TRARG1: variants seen among roughly 807,000 people sequenced by gnomAD.
TRARG1 encodes trafficking regulator of GLUT4 1.
A neutral mutation model predicts 13.3 loss-of-function variants in TRARG1; 16 were observed. That is an observed-to-expected ratio of 1.20 (90% CI 0.81 to 1.83). The LOEUF (loss-of-function observed/expected upper bound fraction) is 1.83, where lower values mean the gene tolerates loss of function less well. Among genes scored for constraint, TRARG1 ranks in the 40% most tolerant of loss-of-function variants. The probability of loss-of-function intolerance (pLI) is 0.00; values close to 1 mark genes in which losing one functional copy is unlikely to be tolerated. For synonymous variants in TRARG1, 113 were observed against 106.2 expected (o/e 1.06, Z -0.39); for missense variants, 250 against 237.4 (o/e 1.05, Z -0.35).
chr17:1,280,007 C>A lies in TRARG1; in HGVS notation c.6C>A (p.Ala2=). 1 of 1,610,264 alleles carries A rather than the reference C, an allele frequency of 6.2e-7. No individual in the cohort carries two copies. The highest frequency in any genetic ancestry group is 1.3e-5 in the African/African-American group (1 of 74,994). ...CGCGCAAGGCCCAGGCCCCCATGGC[C>A]CACCCGGTGCAGTCCGAGTTTCCTT... The part of the protein sequence containing the change: M[A]HPVQSEFPSA... The change falls in exon 1 of 3, where the codon GCC becomes GCA. Residue 2 remains alanine, a synonymous_variant. Transcript: ENST00000333813.
chr17:1,290,875 T>C (rs1163399519), intron 1 of TRARG1, among the ~76,000 whole-genome samples: 4 of 150,632 alleles, frequency 2.7e-5, no homozygotes, highest in Non-Finnish European at 5.9e-5. Context: ...GCTCTCGCGA[T>C]AATGAGTGAG....
chr17:1,281,110 G>T (rs1237189978), intron 1 of TRARG1, among the ~76,000 whole-genome samples: 2 of 152,232 alleles, frequency 1.3e-5, no homozygotes, highest in Non-Finnish European at 2.9e-5. Context: ...GCATGGGGCC[G>T]GGTCTGTACT....
chr17:1,295,361 TG>T, intron 1 of TRARG1, 129 bp from the exon 2 acceptor site: 1 of 1,198,888 alleles, frequency 8.3e-7, no homozygotes, highest in Non-Finnish European at 1.2e-6. Context: ...CCCTAGAGTG[TG>T]GGCTGCCATG....
intron 1 of TRARG1, 134 bp downstream of exon 1, chr17:1,280,522 C>A: frequency 1.0e-6 from 1 of 1,001,068 alleles, no homozygotes; most frequent in African/African-American, 1.6e-5. Flanking sequence ...GGGAAGACTC[C>A]TTTCCTCACT....
intron 1 of TRARG1, among the ~76,000 whole-genome samples, chr17:1,286,625 T>A (rs796871491): frequency 0.2 from 15,039 of 74,234 alleles, 1,761 homozygotes; most frequent in African/African-American, 0.34. Flanking sequence ...GGGTGTTGTT[T>A]TCGGCCTGTG....
At chr17:1,290,888 C>G (rs930286311) in intron 1 of TRARG1, among the ~76,000 whole-genome samples, 1 of 146,372 alleles carries the variant, frequency 6.8e-6, no homozygotes, top group African/African-American at 2.6e-5. Context: ...TGAGTGAGTT[C>G]TCGCGAGATC....
chr17:1,282,224 G>GCGTATGTGTA (rs2071984056), intron 1 of TRARG1, among the ~76,000 whole-genome samples: 1 of 115,594 alleles, frequency 8.7e-6, no homozygotes. Flanking sequence ...GTATACACGT[G>GCGTATGTGTA]CGTATATGTA....
Position 1,280,069 on chromosome 17 carries a change from T to C in TRARG1, c.68T>C (p.Leu23Pro), listed in dbSNP as rs761869292. 5 of 1,613,510 alleles carry C rather than the reference T, an allele frequency of 3.1e-6. No individual in the cohort carries two copies. In the East Asian group the frequency reaches 1.1e-4, roughly 36 times the overall value. The change falls in exon 1 of 3, where the codon CTG becomes CCG. Residue 23 changes from leucine to proline, a missense_variant. Transcript: ENST00000333813. ...CCAGGCTCCGCCGCATTCCTGGACC[T>C]GCCGGAGATGGAGATACTCCTCACC... is the stretch of plus-strand genomic sequence containing the variant. ...QEPGSAAFLDLPEMEILLTKA... is the reference protein window; with the variant it reads ...QEPGSAAFLDPPEMEILLTKA...
chr17:1,282,046 G>A (rs1238512235), intron 1 of TRARG1, among the ~76,000 whole-genome samples: 3 of 136,938 alleles, frequency 2.2e-5, no homozygotes, highest in African/African-American at 8.5e-5. Context: ...ACACACATAT[G>A]TACACATATG....
At chr17:1,284,600 G>C (rs371513320) in intron 1 of TRARG1, among the ~76,000 whole-genome samples, 1 of 152,234 alleles carries the variant, frequency 6.6e-6, no homozygotes, top group East Asian at 1.9e-4. Context: ...CAGTCGACTT[G>C]AACAGCAAGT....
Position 1,299,810 on chromosome 17 carries a change from CCCTCCTGCCT to C in TRARG1, c.*1551_*1560del, listed in dbSNP as rs144051357. ...GTCAGCATCCTTTGTCCCATCAGGACCCTCCTGCCTCCTCTCCAGGCCCTTGTTCGCCTCC... is the reference window on the plus strand; with the variant it reads ...GTCAGCATCCTTTGTCCCATCAGGACCCTCTCCAGGCCCTTGTTCGCCTCC... On this transcript the variant is annotated 3_prime_UTR_variant, in exon 3 of 3. Coordinates refer to ENST00000333813, the MANE Select transcript of TRARG1 (RefSeq NM_172367.3). 0.059 allele frequency: 9,084 copies of C among 152,966 alleles called. 932 individuals carry two copies. The highest frequency in any genetic ancestry group is 0.21 in the African/African-American group (8,611 of 41,500). The allele number at this position is 152,966 out of a possible 1,614,324, so 9.5% of individuals were successfully genotyped here.
In TRARG1 at chr17:1,279,868, C is replaced by A; in HGVS notation, c.-134C>A. 1 of 1,039,038 alleles carries A rather than the reference C, an allele frequency of 9.6e-7. No homozygotes were observed. The highest frequency in any genetic ancestry group is 1.4e-6 in the Non-Finnish European group (1 of 738,914). 64.4% of individuals were successfully genotyped at this position (1,039,038 alleles called of 1,614,324 possible). A position where few individuals can be genotyped will look rare whatever the true frequency, so the allele number is the denominator to read the frequency against. Reference sequence around the variant, plus strand: ...CCCAACCCTTCCAGCACCCAGCCGGCCCTCCGTCTCCTGAGGGACGCCCCT... The same window carrying A: ...CCCAACCCTTCCAGCACCCAGCCGGACCTCCGTCTCCTGAGGGACGCCCCT... On this transcript the variant is annotated 5_prime_UTR_variant, in exon 1 of 3. Coordinates refer to ENST00000333813, the MANE Select transcript of TRARG1 (RefSeq NM_172367.3).
chr17:1,284,338 C>G (rs1678579571), intron 1 of TRARG1, among the ~76,000 whole-genome samples: 1 of 152,206 alleles, frequency 6.6e-6, no homozygotes, highest in South Asian at 2.1e-4. Context: ...CAAGCGTCAT[C>G]CCTGCCGCAG....
At position 1,296,757 on chromosome 17, in the gene TRARG1, C is replaced by T. The variant is rs142295945; in HGVS notation, c.520+1134C>T. 5.0e-3 allele frequency among the ~76,000 whole-genome samples: 765 copies of T among 151,904 alleles called. 6 individuals are homozygous for T. Among genetic ancestry groups the T allele is most frequent in the South Asian group, 0.019 (92 of 4,810 alleles). On this transcript the variant is annotated intron_variant, in intron 2 of 2. Coordinates refer to ENST00000333813, the MANE Select transcript of TRARG1 (RefSeq NM_172367.3). ...AACTCCTGACTTCAGGTGATCCTCCCGCCTCAGCCTCCCAAAGTGCTGGGA... is the reference window on the plus strand; with the variant it reads ...AACTCCTGACTTCAGGTGATCCTCCTGCCTCAGCCTCCCAAAGTGCTGGGA...
chr17:1,289,776 G>C (rs1292121848), intron 1 of TRARG1, among the ~76,000 whole-genome samples: 1 of 151,936 alleles, frequency 6.6e-6, no homozygotes, highest in Non-Finnish European at 1.5e-5. Flanking sequence ...TGCATGCTGG[G>C]ACCGGTTTAT....
At chr17:1,296,839 T>G (rs1376966326) in intron 2 of TRARG1, among the ~76,000 whole-genome samples, 2 of 151,886 alleles carry the variant, frequency 1.3e-5, no homozygotes, top group Non-Finnish European at 2.9e-5. Flanking sequence ...GAGATGGGGT[T>G]GCATCACGTT....
chr17:1,289,634 C>T (rs937869961), intron 1 of TRARG1, among the ~76,000 whole-genome samples: 3 of 151,244 alleles, frequency 2.0e-5, no homozygotes, highest in African/African-American at 7.3e-5. Context: ...CCTCCTCAGG[C>T]TCCCTTGCAG....
At position 1,295,621 on chromosome 17, in the gene TRARG1, C is replaced by T. The variant is rs533341843; in HGVS notation, c.518C>T (p.Thr173Ile). The change falls in exon 2 of 3, where the codon ACA becomes ATA. Residue 173 changes from threonine (T) to isoleucine (I), a missense_variant and splice_region_variant. Coordinates refer to ENST00000333813, the MANE Select transcript of TRARG1 (RefSeq NM_172367.3). ...IIMVAVTVNFTVQKK is the reference protein window; with the variant it reads ...IIMVAVTVNFIVQKK ...ATGGTGGCCGTGACCGTCAACTTCA[C>T]AGGTGAGACCCAGCTCCTTGGAGAG... The T allele has an allele frequency of 6.2e-7, 1 of 1,610,072 alleles. No homozygotes were observed. Among genetic ancestry groups the T allele is most frequent in the African/African-American group, 1.3e-5 (1 of 75,002 alleles).
chr17:1,280,414 G>A (rs774826622), intron 1 of TRARG1, 26 bp downstream of exon 1: 5 of 1,548,758 alleles, frequency 3.2e-6, no homozygotes, highest in Admixed American at 1.9e-5. Flanking sequence ...TGTTCCAGGG[G>A]CAGGGGCTGG....
Sources: gnomAD v4.1 joint callset for allele counts (sites outside exome capture counted in the v4.1 genomes callset) on GRCh38, gnomAD v4.1.1 for gene constraint, MANE v1.5 for transcripts, NCBI Gene and HGNC (gene_info 2026-07-23, HGNC 2026-07-21) for gene names.